The following LSAMP variants were observed in gnomAD, a reference collection of about 807,000 sequenced individuals.
The protein encoded by LSAMP is limbic system-associated membrane protein.
LSAMP carries 7 observed loss-of-function variants against 38.6 expected under a neutral mutation model. That is an observed-to-expected ratio of 0.18 (90% CI 0.10 to 0.34). The LOEUF is 0.34. Ranked by LOEUF, LSAMP falls within the 10% of genes least tolerant of loss-of-function variation. LSAMP has a pLI of 1.00. For missense variants in LSAMP, 313 were observed against 420.0 expected, an observed-to-expected ratio of 0.75 and a Z score of 2.23; for synonymous variants, 154 against 166.8, an observed-to-expected ratio of 0.92 and a Z score of 0.59.
intron 1 of LSAMP, among the ~76,000 whole-genome samples, chr3:116,306,852 C>A (rs1404934653): frequency 6.6e-6 from 1 of 151,936 alleles, no homozygotes; most frequent in Non-Finnish European, 1.5e-5. Context: ...GCAGGCATGT[C>A]TCTAAATAGA....
At chr3:116,310,950 T>C (rs1035286037) in intron 1 of LSAMP, among the ~76,000 whole-genome samples, 3 of 151,598 alleles carry the variant, frequency 2.0e-5, no homozygotes, top group African/African-American at 7.3e-5. Context: ...ATATGAATAG[T>C]TCACGGATAA....
chr3:115,998,016 C>T lies in LSAMP; in HGVS notation c.514+21499G>A, dbSNP rs183599504. On this transcript the variant is annotated intron_variant, in intron 3 of 6. Transcript: ENST00000490035. ...GGGGCTTTTCTGTGCATTGTAATTT[C>T]AGCAGCATCCTTGGCCTCAACCCAC... Among the ~76,000 whole-genome samples the T allele has an allele frequency of 1.0e-4, 15 of 150,208 alleles. No homozygotes were observed. In the East Asian group the frequency reaches 2.2e-3, roughly 22 times the overall value.
intron 3 of LSAMP, among the ~76,000 whole-genome samples, chr3:115,996,775 C>G (rs1354352832): frequency 6.6e-6 from 1 of 152,148 alleles, no homozygotes; most frequent in South Asian, 2.1e-4. Flanking sequence ...GTCATTTCCT[C>G]CCCTCCTCTC....
chr3:116,028,121 C>A (rs1347442999), intron 2 of LSAMP, among the ~76,000 whole-genome samples: 1 of 152,090 alleles, frequency 6.6e-6, no homozygotes, highest in Non-Finnish European at 1.5e-5. Flanking sequence ...GAACTGGGTT[C>A]AAAAATCTAC....
At chr3:115,919,877 G>T (rs1272709015) in intron 3 of LSAMP, among the ~76,000 whole-genome samples, 1 of 152,140 alleles carries the variant, frequency 6.6e-6, no homozygotes, top group Admixed American at 6.5e-5. Context: ...AAAGTGCTAG[G>T]ATTACAGGCG....
chr3:116,048,004 C>T (rs1008569556), intron 2 of LSAMP, among the ~76,000 whole-genome samples: 1 of 152,204 alleles, frequency 6.6e-6, no homozygotes, highest in African/African-American at 2.4e-5. Flanking sequence ...CATCCATGCA[C>T]CTTTACCGTT....
intron 6 of LSAMP, among the ~76,000 whole-genome samples, chr3:115,832,583 AGAG>A (rs1000240013): frequency 6.6e-6 from 1 of 152,164 alleles, no homozygotes; most frequent in Non-Finnish European, 1.5e-5. Flanking sequence ...TCGATTGGAA[AGAG>A]GAGAAGAAAA....
At chr3:115,820,364 C>T (rs901227369) in intron 6 of LSAMP, among the ~76,000 whole-genome samples, 6 of 152,056 alleles carry the variant, frequency 3.9e-5, no homozygotes, top group Non-Finnish European at 5.9e-5. Flanking sequence ...AAAGGTAAAT[C>T]GACTGAAGCA....
intron 1 of LSAMP, among the ~76,000 whole-genome samples, chr3:116,269,646 C>T (rs1193226823): frequency 2.0e-5 from 3 of 152,052 alleles, no homozygotes; most frequent in Non-Finnish European, 4.4e-5. Flanking sequence ...TCATCCAAAC[C>T]AGGACGCTTC....
intron 6 of LSAMP, among the ~76,000 whole-genome samples, chr3:115,819,383 T>A (rs1425345617): frequency 6.6e-6 from 1 of 151,784 alleles, no homozygotes; most frequent in Non-Finnish European, 1.5e-5. Flanking sequence ...TGCAGTGAGA[T>A]TGCACCACTG....
chr3:116,201,888 T>G (rs144275712), intron 1 of LSAMP, among the ~76,000 whole-genome samples: 1 of 152,176 alleles, frequency 6.6e-6, no homozygotes, highest in Non-Finnish European at 1.5e-5. Flanking sequence ...TTTTCATGTT[T>G]AACTGGCACA....
chr3:116,349,230 G>A (rs1008829039), intron 1 of LSAMP, among the ~76,000 whole-genome samples: 3 of 151,992 alleles, frequency 2.0e-5, no homozygotes, highest in Non-Finnish European at 4.4e-5. Flanking sequence ...AATACTGAAA[G>A]TGTATTATAT....
rs1222684209 is a variant in LSAMP at position 116,222,313 on chromosome 3, C to T, written c.156-135757G>A. 2.0e-5 allele frequency among the ~76,000 whole-genome samples: 3 copies of T among 150,096 alleles called. No individual in the cohort carries two copies. In the East Asian group the frequency reaches 5.8e-4, roughly 29 times the overall value. ...AATTAGATACTTTTTTTTTAATGCC[C>T]ACAGTGCTGCATCCTATGGGTTGAC... On this transcript the variant is annotated intron_variant, in intron 1 of 6. Transcript: ENST00000490035.
chr3:115,836,317 TTTATTC>T (rs1934784343), intron 6 of LSAMP, among the ~76,000 whole-genome samples: 1 of 152,320 alleles, frequency 6.6e-6, no homozygotes, highest in East Asian at 1.9e-4. Flanking sequence ...CATCCCAATT[TTTATTC>T]TTATTCTTTG....
chr3:116,289,591 A>G (rs1237619555), intron 1 of LSAMP, among the ~76,000 whole-genome samples: 1 of 152,012 alleles, frequency 6.6e-6, no homozygotes, highest in Non-Finnish European at 1.5e-5. Context: ...CCTTTTATAT[A>G]TGCCACTGCC....
At chr3:116,310,081 C>G (rs746214779) in intron 1 of LSAMP, among the ~76,000 whole-genome samples, 1 of 152,112 alleles carries the variant, frequency 6.6e-6, no homozygotes, top group Non-Finnish European at 1.5e-5. Flanking sequence ...CCCCTTTTAT[C>G]TACTGCAGAA....
At chr3:116,267,171 T>C (rs1438077950) in intron 1 of LSAMP, among the ~76,000 whole-genome samples, 2 of 152,136 alleles carry the variant, frequency 1.3e-5, no homozygotes, top group East Asian at 3.9e-4. Context: ...TTTTTTGAAG[T>C]TGGCGCCACT....
intron 1 of LSAMP, among the ~76,000 whole-genome samples, chr3:116,432,566 G>A (rs1311714387): frequency 6.6e-6 from 1 of 151,462 alleles, no homozygotes; most frequent in Non-Finnish European, 1.5e-5. Flanking sequence ...ATATAATTTA[G>A]GATTTTTTAA....
chr3:116,079,526 G>A (rs765971056), intron 2 of LSAMP, among the ~76,000 whole-genome samples: 47 of 151,068 alleles, frequency 3.1e-4, no homozygotes, highest in Non-Finnish European at 5.7e-4. Flanking sequence ...GGTGGCGCAC[G>A]CCTGTAGTCC....
Sources: allele counts gnomAD v4.1 joint callset (sites outside exome capture counted in the v4.1 genomes callset), GRCh38; gene constraint gnomAD v4.1.1; transcripts MANE v1.5; gene names NCBI Gene and HGNC (gene_info 2026-07-23, HGNC 2026-07-21).